Variants in IFT74 observed in about 807,000 individuals in gnomAD.
IFT74 encodes intraflagellar transport protein 74 homolog.
IFT74 carries 92 observed loss-of-function variants against 96.7 expected under a neutral mutation model. That is an observed-to-expected ratio of 0.95 (90% confidence interval 0.80 to 1.13). The LOEUF (loss-of-function observed/expected upper bound fraction) is 1.13. Ranked by LOEUF, IFT74 falls within the 50% of genes most tolerant of loss-of-function variation. The pLI, the probability that IFT74 is intolerant of heterozygous loss-of-function variation, is 0.00. For synonymous variants in IFT74, 223 were observed against 213.2 expected (o/e 1.05, Z -0.40); for missense variants, 811 against 698.2 (o/e 1.16, Z -1.82).
intron 2 of IFT74, among the ~76,000 whole-genome samples, chr9:26,972,589 G>A (rs939949693): frequency 1.3e-5 from 2 of 152,250 alleles, no homozygotes; most frequent in Middle Eastern, 3.4e-3. Context: ...GAATTTTATC[G>A]AAGTCCACAA....
intron 8 of IFT74, chr9:26,995,328 G>A (rs374513691): frequency 5.6e-5 from 28 of 498,608 alleles, no homozygotes; most frequent in Non-Finnish European, 9.4e-5. Context: ...GTCAACTACC[G>A]AGGAGTGTCA....
At chr9:27,045,912 A>G (rs566814850) in intron 14 of IFT74, among the ~76,000 whole-genome samples, 10 of 152,320 alleles carry the variant, frequency 6.6e-5, no homozygotes, top group Admixed American at 6.5e-4. Context: ...ACAATGTGTC[A>G]TGACACCACA....
At chr9:26,976,805 T>C (rs1371522989) in intron 2 of IFT74, 3 of 456,004 alleles carry the variant, frequency 6.6e-6, no homozygotes, top group South Asian at 3.1e-5. Flanking sequence ...TGAACTGACA[T>C]AAAGGGAGTC....
chr9:26,980,666 G>A lies in IFT74; in HGVS notation c.305+47G>A, dbSNP rs200444212. ...ATCCGTATGTTTTACTCGAAATATT[G>A]TGTACCTTCTGTCAAAATAGAGTAT... is the stretch of plus-strand genomic sequence containing the variant. On this transcript the variant is annotated intron_variant, in intron 4 of 19. Transcript: ENST00000380062. 1.5e-4 allele frequency: 182 copies of A among 1,221,074 alleles called. No homozygotes were observed. The African/African-American group carries it at 2.6e-3, about 18-fold the overall frequency. The allele number at this position is 1,221,074 out of a possible 1,614,324, so 75.6% of individuals were successfully genotyped here.
In IFT74 at chr9:27,012,030, G is replaced by C. The variant is rs531169766; in HGVS notation, c.789+62G>C. ...CAGCTAAAAAAGTTAATTCAGCCAA[G>C]TATATTAATATAACTAATTCAACTA... On this transcript the variant is annotated intron_variant, in intron 10 of 19. Coordinates refer to ENST00000380062, the MANE Select transcript of IFT74 (RefSeq NM_025103.4). The C allele has an allele frequency of 4.9e-4, 498 of 1,020,434 alleles. 2 individuals are homozygous for C. Among genetic ancestry groups the C allele is most frequent in the South Asian group, 1.7e-3 (101 of 61,072 alleles). The allele number at this position is 1,020,434 out of a possible 1,614,324, so 63.2% of individuals were successfully genotyped here.
chr9:27,033,933 C>A (rs1303581441), intron 13 of IFT74, among the ~76,000 whole-genome samples: 1 of 152,050 alleles, frequency 6.6e-6, no homozygotes, highest in Non-Finnish European at 1.5e-5. Flanking sequence ...TTTTGTCAGT[C>A]AAGATAAGGT....
intron 2 of IFT74, among the ~76,000 whole-genome samples, chr9:26,971,094 T>G (rs1377701034): frequency 6.6e-6 from 1 of 152,250 alleles, no homozygotes; most frequent in South Asian, 2.1e-4. Context: ...ATGTTTTCAA[T>G]TAATGCCTTT....
At position 26,984,492 on chromosome 9, in the gene IFT74, C is replaced by A; in HGVS notation, c.405-7C>A. The A allele has an allele frequency of 6.2e-7, 1 of 1,608,164 alleles. No individual in the cohort carries two copies. The highest frequency in any genetic ancestry group is 8.5e-7 in the Non-Finnish European group (1 of 1,176,544). On this transcript the variant is annotated splice_polypyrimidine_tract_variant and splice_region_variant and intron_variant, in intron 5 of 19. Coordinates refer to ENST00000380062, the MANE Select transcript of IFT74 (RefSeq NM_025103.4). ...TATTTATGAATGTATTTATTTTATG[C>A]TTTCAGGGCTGAGACTTTAGCTGTT...
intron 8 of IFT74, among the ~76,000 whole-genome samples, chr9:27,008,401 A>G (rs1268229384): frequency 6.6e-6 from 1 of 151,542 alleles, no homozygotes; most frequent in Non-Finnish European, 1.5e-5. Context: ...TCTTTTGCCC[A>G]GGCTAGAGTG....
At chr9:26,970,535 T>C (rs1170083949) in intron 2 of IFT74, among the ~76,000 whole-genome samples, 2 of 152,218 alleles carry the variant, frequency 1.3e-5, no homozygotes, top group African/African-American at 4.8e-5. Flanking sequence ...TATGTTCTTC[T>C]CTATACTTTG....
At chr9:27,029,178 CAG>C in intron 13 of IFT74, 74 bp downstream of exon 13, 1 of 1,127,214 alleles carries the variant, frequency 8.9e-7, no homozygotes, top group Middle Eastern at 2.1e-4. Flanking sequence ...ACTGGTGTCT[CAG>C]AGACTGTTCA....
chr9:26,982,451 AT>A (rs56756518), intron 4 of IFT74: 29,638 of 212,950 alleles, frequency 0.14, 115 homozygotes, highest in South Asian at 0.17. Context: ...TAATTTTTGT[AT>A]TTTTTTTTTT....
intron 12 of IFT74, among the ~76,000 whole-genome samples, chr9:27,018,959 T>G (rs550700861): frequency 6.6e-6 from 1 of 152,202 alleles, no homozygotes; most frequent in Non-Finnish European, 1.5e-5. Context: ...ATCACCTTTA[T>G]TTTTCAATTT....
chr9:26,964,569 C>T (rs940284324), intron 2 of IFT74, among the ~76,000 whole-genome samples: 1 of 152,112 alleles, frequency 6.6e-6, no homozygotes, highest in Non-Finnish European at 1.5e-5. Context: ...TGGCCATTTT[C>T]ATGATATTGA....
intron 1 of IFT74, among the ~76,000 whole-genome samples, chr9:26,948,762 C>A (rs184670549): frequency 6.6e-6 from 1 of 152,112 alleles, no homozygotes; most frequent in African/African-American, 2.4e-5. Context: ...CACGCCTGGC[C>A]GGCTTTCCAT....
At chr9:27,032,779 T>A (rs1830183579) in intron 13 of IFT74, among the ~76,000 whole-genome samples, 2 of 151,684 alleles carry the variant, frequency 1.3e-5, no homozygotes, top group Non-Finnish European at 2.9e-5. Flanking sequence ...AGTAGGAGAA[T>A]CGCTTGAACT....
chr9:27,006,623 A>AAG (rs138335710), intron 8 of IFT74, among the ~76,000 whole-genome samples: 6,345 of 139,468 alleles, frequency 0.045, 200 homozygotes, highest in South Asian at 0.11. Flanking sequence ...GGGAGAGGGA[A>AAG]AGAGAGAGAG....
chr9:26,971,019 C>T (rs1210046451), intron 2 of IFT74, among the ~76,000 whole-genome samples: 1 of 152,206 alleles, frequency 6.6e-6, no homozygotes, highest in Non-Finnish European at 1.5e-5. Flanking sequence ...TCTCTAATGA[C>T]ATGTGCCATG....
At chr9:27,047,423 C>A (rs754129948) in intron 15 of IFT74, 52 bp downstream of exon 15, 2 of 1,117,106 alleles carry the variant, frequency 1.8e-6, no homozygotes, top group South Asian at 1.4e-5. Context: ...CCGTGATTAA[C>A]TTTCCAAATA....
Sources: allele counts gnomAD v4.1 joint callset (sites outside exome capture counted in the v4.1 genomes callset), GRCh38; gene constraint gnomAD v4.1.1; transcripts MANE v1.5; gene names NCBI Gene and HGNC (gene_info 2026-07-23, HGNC 2026-07-21).